The following GRID2 variants were observed in gnomAD, a reference collection of about 807,000 sequenced individuals.
GRID2 encodes the protein glutamate ionotropic receptor delta type subunit 2.
GRID2 carries 33 observed loss-of-function variants against 114.8 expected under a neutral mutation model. The observed-to-expected ratio is 0.29, with a 90% CI of 0.22 to 0.38. GRID2 has a LOEUF of 0.38. Among genes scored for constraint, GRID2 ranks in the 10% least tolerant of loss-of-function variants. GRID2 has a pLI of 1.00. For missense variants in GRID2, 1,184 were observed against 1,257.7 expected, an observed-to-expected ratio of 0.94 and a Z score of 0.89; for synonymous variants, 505 against 449.9, an observed-to-expected ratio of 1.12 and a Z score of -1.55.
intron 8 of GRID2, among the ~76,000 whole-genome samples, chr4:93,340,245 T>C (rs930539153): frequency 1.1e-3 from 169 of 150,564 alleles, no homozygotes; most frequent in Middle Eastern, 3.4e-3. Context: ...CCTCTCTTTT[T>C]TTTTTTTTTT....
intron 8 of GRID2, among the ~76,000 whole-genome samples, chr4:93,315,264 C>T (rs755877659): frequency 4.6e-5 from 7 of 152,126 alleles, no homozygotes; most frequent in Non-Finnish European, 8.8e-5. Flanking sequence ...ACAGGTCCCT[C>T]GCTTCACACA....
intron 9 of GRID2, among the ~76,000 whole-genome samples, chr4:93,407,723 T>TCCTC (rs1766612051): frequency 1.6e-5 from 1 of 64,254 alleles, no homozygotes; most frequent in Non-Finnish European, 2.7e-5. Context: ...TCCTCCTCCT[T>TCCTC]CTCCTCCTCC....
intron 14 of GRID2, among the ~76,000 whole-genome samples, chr4:93,713,039 TAA>T (rs374280643): frequency 1.1e-3 from 164 of 152,240 alleles, no homozygotes; most frequent in African/African-American, 3.7e-3. Flanking sequence ...TTCCTGAATA[TAA>T]GAGTTTTTTG....
At chr4:93,111,356 T>C (rs1407311712) in intron 4 of GRID2, among the ~76,000 whole-genome samples, 2 of 152,204 alleles carry the variant, frequency 1.3e-5, no homozygotes, top group Admixed American at 1.3e-4. Flanking sequence ...CATTATTGCC[T>C]AAACATGATT....
intron 8 of GRID2, chr4:93,319,923 A>G (rs1156478439): frequency 6.6e-6 from 1 of 152,116 alleles, no homozygotes; most frequent in South Asian, 2.1e-4. Flanking sequence ...GTGAGTCCCT[A>G]AGCAAACCAT....
chr4:92,685,071 A>G (rs2149287775), intron 2 of GRID2, among the ~76,000 whole-genome samples: 1 of 152,128 alleles, frequency 6.6e-6, no homozygotes, highest in East Asian at 1.9e-4. Context: ...TCCTTTGTTA[A>G]CTCGTAAATT....
At chr4:93,368,115 A>G (rs1212166793) in intron 8 of GRID2, among the ~76,000 whole-genome samples, 3 of 152,184 alleles carry the variant, frequency 2.0e-5, no homozygotes, top group Non-Finnish European at 2.9e-5. Flanking sequence ...TTGGAAAACA[A>G]AATTAACTAT....
At chr4:92,656,105 G>A (rs1473113572) in intron 2 of GRID2, among the ~76,000 whole-genome samples, 2 of 151,450 alleles carry the variant, frequency 1.3e-5, no homozygotes, top group Admixed American at 6.6e-5. Context: ...TTTTTTTGAG[G>A]AACTTCCATA....
intron 4 of GRID2, among the ~76,000 whole-genome samples, chr4:93,186,083 T>C (rs1474029455): frequency 6.6e-6 from 1 of 152,194 alleles, no homozygotes; most frequent in Non-Finnish European, 1.5e-5. Flanking sequence ...AACTCATCCT[T>C]TCTTTTATGG....
At chr4:92,973,257 G>A (rs1753642625) in intron 2 of GRID2, among the ~76,000 whole-genome samples, 2 of 152,088 alleles carry the variant, frequency 1.3e-5, no homozygotes, top group South Asian at 4.1e-4. Context: ...GAAAGAGGGA[G>A]ACACTCTGCT....
At chr4:92,442,435 T>C (rs59100028) in intron 1 of GRID2, among the ~76,000 whole-genome samples, 11 of 151,600 alleles carry the variant, frequency 7.3e-5, no homozygotes, top group Admixed American at 1.3e-4. Flanking sequence ...GCAAGCTCCT[T>C]GGGGAGGAGG....
Position 92,304,703 on chromosome 4 carries a change from G to C in GRID2, c.47G>C (p.Arg16Pro). 6.2e-7 allele frequency: 1 copy of C among 1,613,714 alleles called. No individual in the cohort carries two copies. Among genetic ancestry groups the C allele is most frequent in the Non-Finnish European group, 8.5e-7 (1 of 1,179,678 alleles). The change falls in exon 1 of 16, where the codon CGA becomes CCA. Residue 16 changes from arginine to proline, a missense_variant. This residue lies in a region of GRID2 where 455 missense variants were observed against 429.5 expected (regional missense o/e 1.06). Coordinates refer to ENST00000282020, the MANE Select transcript of GRID2 (RefSeq NM_001510.4). ...TTGGTTTTGTCCGTCTGGTGGTCTC[G>C]AACCTGGGACTCGGCGAATGCGGAT... ...FLLVLSVWWS[R>P]TWDSANADSI...
intron 14 of GRID2, 81 bp downstream of exon 14, chr4:93,626,516 T>C: frequency 1.1e-6 from 1 of 877,108 alleles, no homozygotes; most frequent in Non-Finnish European, 1.8e-6. Context: ...ATCTGGTTTA[T>C]TACATTTTGT....
chr4:93,802,375 A>C (rs1186653806), intron 1 of GRID2, among the ~76,000 whole-genome samples: 1 of 151,812 alleles, frequency 6.6e-6, no homozygotes, highest in Non-Finnish European at 1.5e-5. Context: ...TATGTGTGAG[A>C]GTGAGTGTGT....
At chr4:93,227,446 C>G (rs1184645940) in intron 7 of GRID2, among the ~76,000 whole-genome samples, 2 of 152,040 alleles carry the variant, frequency 1.3e-5, no homozygotes, top group Non-Finnish European at 2.9e-5. Context: ...CCAGGCCGTT[C>G]TTGATCTCCT....
intron 1 of GRID2, among the ~76,000 whole-genome samples, chr4:92,588,473 G>A (rs534116236): frequency 2.0e-5 from 3 of 151,240 alleles, no homozygotes; most frequent in South Asian, 2.1e-4. Context: ...TCAGGAGATC[G>A]AAACCATCCT....
At chr4:92,430,489 C>G (rs1258258130) in intron 1 of GRID2, among the ~76,000 whole-genome samples, 1 of 152,052 alleles carries the variant, frequency 6.6e-6, no homozygotes, top group Non-Finnish European at 1.5e-5. Flanking sequence ...ATGCCAGTAC[C>G]ATGCTGTTCC....
At chr4:93,457,097 A>G (rs1365626115) in intron 11 of GRID2, among the ~76,000 whole-genome samples, 1 of 152,224 alleles carries the variant, frequency 6.6e-6, no homozygotes, top group Non-Finnish European at 1.5e-5. Context: ...GGTCTTTGCC[A>G]TCATTGCGCC....
intron 1 of GRID2, among the ~76,000 whole-genome samples, chr4:92,489,547 T>C (rs1461341882): frequency 6.6e-6 from 1 of 151,914 alleles, no homozygotes; most frequent in Non-Finnish European, 1.5e-5. Flanking sequence ...ATTTGTTCAT[T>C]ATTGAAAGTA....
Sources: gnomAD v4.1 joint callset for allele counts (sites outside exome capture counted in the v4.1 genomes callset) on GRCh38, gnomAD v4.1.1 for gene constraint, gnomAD v4.1.1 regional missense constraint, MANE v1.5 for transcripts, NCBI Gene and HGNC (gene_info 2026-07-23, HGNC 2026-07-21) for gene names.